Variants in ARID3A observed in about 807,000 individuals in gnomAD.
The protein encoded by ARID3A is AT-rich interaction domain 3A.
In ARID3A, 11 loss-of-function variants were observed where a neutral mutation model predicts 52.7. The observed-to-expected ratio is 0.21, with a 90% CI of 0.13 to 0.35. The LOEUF is 0.35. Among genes scored for constraint, ARID3A ranks in the 10% least tolerant of loss-of-function variants. The pLI is 1.00. For synonymous variants in ARID3A, 404 were observed against 359.4 expected (o/e 1.12, Z -1.40); for missense variants, 721 against 838.5 (o/e 0.86, Z 1.73).
chr19:944,354 G>A lies in ARID3A; in HGVS notation c.693+11612G>A, dbSNP rs1373731141. Among the ~76,000 whole-genome samples, 5 of 149,994 alleles carry A rather than the reference G, an allele frequency of 3.3e-5. No homozygotes were observed. Among genetic ancestry groups the A allele is most frequent in the African/African-American group, 9.8e-5 (4 of 40,800 alleles). On this transcript the variant is annotated intron_variant, in intron 3 of 8. Transcript: ENST00000263620. This position sits in a 1 kb window ranked among gnomAD's most constrained non-coding sequence, Gnocchi z 5.9. ...TGTGTGTGTGTGTGTGTGTGTCTGC[G>A]TGGGAGTGTCTGGCTGTGTGGCTGC...
chr19:964,378 G>A lies in ARID3A; in HGVS notation c.897G>A (p.Lys299=). ...AGAAGCTGTGGCGTGAGATCACCAA[G>A]GGCCTCAACCTGCCCACGTCCATCA... The part of the protein sequence containing the change: ...INKKLWREIT[K]GLNLPTSITS... The change falls in exon 5 of 9, where the codon AAG becomes AAA. Residue 299 remains lysine (K), a synonymous_variant. Coordinates refer to ENST00000263620, the MANE Select transcript of ARID3A (RefSeq NM_005224.3). This position sits in a 1 kb window ranked among gnomAD's most constrained non-coding sequence, Gnocchi z 5.7. 2 of 1,613,278 alleles carry A rather than the reference G, an allele frequency of 1.2e-6. No individual in the cohort carries two copies. The highest frequency in any genetic ancestry group is 3.3e-4 in the Middle Eastern group (2 of 6,060).
chr19:957,050 T>C (rs1225910427), intron 3 of ARID3A, among the ~76,000 whole-genome samples: 5 of 152,292 alleles, frequency 3.3e-5, no homozygotes, highest in South Asian at 4.1e-4. Flanking sequence ...GGCCCCCGCC[T>C]GAACTCCGCT....
chr19:956,338 C>T (rs1219865817), intron 3 of ARID3A: 1 of 152,326 alleles, frequency 6.6e-6, no homozygotes, highest in African/African-American at 2.4e-5. Flanking sequence ...ATTTATTAGG[C>T]AACTGCTGTG....
chr19:966,582 A>C lies in ARID3A; in HGVS notation c.1209A>C (p.Ser403=). Residue 403 remains serine (S), a synonymous_variant, in exon 7 of 9, where the codon TCA becomes TCC. Coordinates refer to ENST00000263620, the MANE Select transcript of ARID3A (RefSeq NM_005224.3). The part of the protein sequence containing the change: ...PAPKIKKEED[S]AIPITVPGRL... ...TTTTTTCCTACCTAGAGGAGGACTC[A>C]GCCATCCCCATCACAGTCCCTGGCC... 2 of 1,553,512 alleles carry C rather than the reference A, an allele frequency of 1.3e-6. No homozygotes were observed. Among genetic ancestry groups the C allele is most frequent in the African/African-American group, 2.7e-5 (2 of 73,140 alleles).
At chr19:956,922 C>T (rs918427796) in intron 3 of ARID3A, among the ~76,000 whole-genome samples, 2 of 152,202 alleles carry the variant, frequency 1.3e-5, no homozygotes, top group African/African-American at 2.4e-5. Flanking sequence ...CCCTAATGAC[C>T]GATCATCCCA....
rs770384410 is a variant in ARID3A at position 929,776 on chromosome 19, A to G, written c.248A>G (p.Asp83Gly). The G allele has an allele frequency of 1.9e-6, 3 of 1,551,780 alleles. No individual in the cohort carries two copies. The highest frequency in any genetic ancestry group is 3.9e-5 in the Admixed American group (2 of 51,734). Residue 83 changes from aspartate to glycine, a missense_variant, in exon 2 of 9, where the codon GAT becomes GGT. Asp to Gly is a moderately conservative substitution (Grantham distance 94). Coordinates refer to ENST00000263620, the MANE Select transcript of ARID3A (RefSeq NM_005224.3). The surrounding 1 kb of genome is among the most constrained non-coding windows in gnomAD (Gnocchi z 6.2). Reference sequence around the variant, plus strand: ...CCAGCCAGCCCCGGCGGCTCTGAGGATGGGCCCCCAGGCTCGGAGGAGGAG... The same window carrying G: ...CCAGCCAGCCCCGGCGGCTCTGAGGGTGGGCCCCCAGGCTCGGAGGAGGAG... ...GHPASPGGSE[D>G]GPPGSEEEDA...
In ARID3A at chr19:959,270, CTTTTG is replaced by C. The variant is rs570564024; in HGVS notation, c.694-807_694-803del. 1.3e-5 allele frequency among the ~76,000 whole-genome samples: 2 copies of C among 152,144 alleles called. No homozygotes were observed. Among genetic ancestry groups the C allele is most frequent in the South Asian group, 2.1e-4 (1 of 4,822 alleles). On this transcript the variant is annotated intron_variant, in intron 3 of 8. Coordinates refer to ENST00000263620, the MANE Select transcript of ARID3A (RefSeq NM_005224.3). This position sits in a 1 kb window ranked among gnomAD's most constrained non-coding sequence, Gnocchi z 5.0. ...GGAGGGAACGCAACCCTGCAGACAT[CTTTTG>C]TTTTGTTTTGTTTTTAGAGACAGGG...
intron 3 of ARID3A, among the ~76,000 whole-genome samples, chr19:951,134 TA>T (rs1334052640): frequency 6.6e-6 from 1 of 152,070 alleles, no homozygotes; most frequent in African/African-American, 2.4e-5. Context: ...GATTCTTTCT[TA>T]AAGAAGAGAC....
Position 929,241 on chromosome 19 carries a change from T to C in ARID3A, c.-267-21T>C, listed in dbSNP as rs74474919. 0.046 allele frequency: 9,642 copies of C among 208,298 alleles called. 956 individuals carry two copies. The highest frequency in any genetic ancestry group is 0.21 in the African/African-American group (9,083 of 42,704). The allele number at this position is 208,298 out of a possible 1,614,324, so 12.9% of individuals were successfully genotyped here. On this transcript the variant is annotated intron_variant, in intron 1 of 8. Transcript: ENST00000263620. This position sits in a 1 kb window ranked among gnomAD's most constrained non-coding sequence, Gnocchi z 6.2. ...TTGAGGAGCTCAGGCCTGCTCTGAC[T>C]GTGCCTTTTTTCCCCCTCAGGTTTC...
At chr19:956,261 C>T (rs2037915209) in intron 3 of ARID3A, among the ~76,000 whole-genome samples, 1 of 152,320 alleles carries the variant, frequency 6.6e-6, no homozygotes, top group Admixed American at 6.5e-5. Context: ...CCTCTCCGCC[C>T]TGTCCCCCTC....
At position 964,043 on chromosome 19, in the gene ARID3A, GC is replaced by G. The variant is rs1327510698; in HGVS notation, c.767-200del. ...CTGGTGGATAAACCGAGGCAGAGCT[GC>G]CCCCTCTGCACCCTCTCGAGCAGAG... On this transcript the variant is annotated intron_variant, in intron 4 of 8. Transcript: ENST00000263620. This position sits in a 1 kb window ranked among gnomAD's most constrained non-coding sequence, Gnocchi z 5.7. Among the ~76,000 whole-genome samples the G allele has an allele frequency of 1.3e-5, 2 of 152,188 alleles. No individual in the cohort carries two copies. Among genetic ancestry groups the G allele is most frequent in the Non-Finnish European group, 2.9e-5 (2 of 68,032 alleles).
chr19:946,410 C>T (rs1041150009), intron 3 of ARID3A, among the ~76,000 whole-genome samples: 1 of 149,288 alleles, frequency 6.7e-6, no homozygotes, highest in Non-Finnish European at 1.5e-5. Context: ...TACAAGCGTG[C>T]ACCACCACGC....
rs937040153 is a variant in ARID3A at position 942,008 on chromosome 19, C to T, written c.693+9266C>T. Among the ~76,000 whole-genome samples, 10 of 152,292 alleles carry T rather than the reference C, an allele frequency of 6.6e-5. No individual in the cohort carries two copies. The South Asian group carries it at 1.0e-3, about 16-fold the overall frequency. ...TGGGGCCTATTAACCATTAGACCCC[C>T]GGGGCTGCTAGAGAGTGGCGCTGTC... On this transcript the variant is annotated intron_variant, in intron 3 of 8. Transcript: ENST00000263620. This position sits in a 1 kb window ranked among gnomAD's most constrained non-coding sequence, Gnocchi z 8.1.
At position 947,318 on chromosome 19, in the gene ARID3A, G is replaced by A. The variant is rs553313175; in HGVS notation, c.694-12774G>A. 1.6e-4 allele frequency among the ~76,000 whole-genome samples: 24 copies of A among 152,250 alleles called. No individual in the cohort carries two copies. The highest frequency in any genetic ancestry group is 5.1e-4 in the African/African-American group (21 of 41,536). ...GGGACTGCGGGCCCCAGATTTCCAC[G>A]TCATATCTCGCCGCCATGGGGCTGC... is the stretch of plus-strand genomic sequence containing the variant. On this transcript the variant is annotated intron_variant, in intron 3 of 8. Transcript: ENST00000263620. This position sits in a 1 kb window ranked among gnomAD's most constrained non-coding sequence, Gnocchi z 6.3.
intron 7 of ARID3A, 93 bp from the exon 8 acceptor site, chr19:968,312 T>A: frequency 9.7e-7 from 1 of 1,034,412 alleles, no homozygotes. Flanking sequence ...TGAGCTGAGA[T>A]CGCGCCACTG....
intron 8 of ARID3A, among the ~76,000 whole-genome samples, chr19:969,977 A>C (rs1292258018): frequency 6.6e-6 from 1 of 151,858 alleles, no homozygotes; most frequent in Non-Finnish European, 1.5e-5. Context: ...ACAGGCATGA[A>C]CCACCGCGCC....
At chr19:948,368 A>C (rs879406043) in intron 3 of ARID3A, among the ~76,000 whole-genome samples, 30 of 152,066 alleles carry the variant, frequency 2.0e-4, no homozygotes, top group Non-Finnish European at 3.2e-4. Context: ...TGCCTCTGTC[A>C]GTCCTGGGAG....
In ARID3A at chr19:960,197, GGTCACAGAAA is replaced by G. The variant is rs1273861188; in HGVS notation, c.766+34_766+43del. ...CTCTGCCCCCACCCCGCTGGAGGGA[GGTCACAGAAA>G]CAGGGCTGTAGGAGGGGCCCTACTG... On this transcript the variant is annotated intron_variant, in intron 4 of 8. Transcript: ENST00000263620. The surrounding 1 kb of genome is among the most constrained non-coding windows in gnomAD (Gnocchi z 4.3). 6 of 1,580,624 alleles carry G rather than the reference GGTCACAGAAA, an allele frequency of 3.8e-6. No individual in the cohort carries two copies. The highest frequency in any genetic ancestry group is 5.2e-6 in the Non-Finnish European group (6 of 1,157,480).
intron 3 of ARID3A, among the ~76,000 whole-genome samples, chr19:945,069 C>T (rs1326354835): frequency 6.6e-6 from 1 of 152,248 alleles, no homozygotes; most frequent in Non-Finnish European, 1.5e-5. Context: ...CAGTTGGCCA[C>T]ATGCCCATCT....
Sources: allele counts gnomAD v4.1 joint callset (sites outside exome capture counted in the v4.1 genomes callset), GRCh38; gene constraint gnomAD v4.1.1; non-coding constraint Gnocchi (gnomAD v3.1); transcripts MANE v1.5; gene names NCBI Gene and HGNC (gene_info 2026-07-23, HGNC 2026-07-21).